Variants in ENTPD3 observed in about 807,000 individuals in gnomAD.
ENTPD3 encodes the protein ectonucleoside triphosphate diphosphohydrolase 3, also known as CD39 antigen-like 3.
Under a neutral mutation model 51.2 loss-of-function variants are expected in ENTPD3, and 60 were observed. The ratio of observed to expected loss-of-function variants is 1.17; its 90% CI spans 0.95 to 1.45. ENTPD3 has a LOEUF of 1.45. Among genes scored for constraint, ENTPD3 ranks in the 40% most tolerant of loss-of-function variants. The probability of loss-of-function intolerance (pLI) is 0.00; values close to 1 mark genes in which losing one functional copy is unlikely to be tolerated. For synonymous variants in ENTPD3, 221 were observed against 238.4 expected (o/e 0.93, Z 0.67); for missense variants, 593 against 641.1 (o/e 0.93, Z 0.81).
rs1393124413 is a variant in ENTPD3 at position 40,392,274 on chromosome 3, G to A, written c.168+124G>A. On this transcript the variant is annotated intron_variant, in intron 3 of 10. Transcript: ENST00000301825. Reference sequence around the variant, plus strand: ...TCCCCCCATCTCTGGCTGAAGCCAGGAGAAGTTAGTGTAAGACGCAAGGGA... The same window carrying A: ...TCCCCCCATCTCTGGCTGAAGCCAGAAGAAGTTAGTGTAAGACGCAAGGGA... 4.2e-6 allele frequency: 5 copies of A among 1,201,344 alleles called. No individual in the cohort carries two copies. The Admixed American group carries it at 7.0e-5, about 17-fold the overall frequency. 74.4% of individuals were successfully genotyped at this position (1,201,344 alleles called of 1,614,324 possible).
intron 3 of ENTPD3, among the ~76,000 whole-genome samples, chr3:40,397,320 T>C (rs1173025767): frequency 6.6e-6 from 1 of 151,812 alleles, no homozygotes; most frequent in East Asian, 1.9e-4. Flanking sequence ...GAAAACATCA[T>C]GGCTATGATT....
At chr3:40,406,072 G>A (rs984359630) in intron 4 of ENTPD3, among the ~76,000 whole-genome samples, 2 of 152,198 alleles carry the variant, frequency 1.3e-5, no homozygotes, top group African/African-American at 4.8e-5. Context: ...TATAACGAGT[G>A]TCAGGCAGAC....
At chr3:40,424,628 G>T in intron 10 of ENTPD3, 1 of 631,136 alleles carries the variant, frequency 1.6e-6, no homozygotes, top group South Asian at 1.6e-5. Flanking sequence ...GACCAGAATG[G>T]TCCAAAGCTG....
chr3:40,409,508 A>T (rs747704208), intron 4 of ENTPD3, among the ~76,000 whole-genome samples: 3 of 152,194 alleles, frequency 2.0e-5, no homozygotes, highest in Non-Finnish European at 4.4e-5. Flanking sequence ...AGCACTGTCG[A>T]TGAAATCCAC....
At chr3:40,421,761 G>T (rs1955877432) in intron 7 of ENTPD3, among the ~76,000 whole-genome samples, 3 of 152,086 alleles carry the variant, frequency 2.0e-5, no homozygotes, top group Admixed American at 2.0e-4. Context: ...AAAGCAACGG[G>T]TAGAATGGGG....
Position 40,395,763 on chromosome 3 carries a change from C to T in ENTPD3, c.168+3613C>T, listed in dbSNP as rs1014394982. ...GGCATATTTTGTGATCAGGTAGACT[C>T]GGGCCACTAGTTAAGCCTTCAGGCA... On this transcript the variant is annotated intron_variant, in intron 3 of 10. Coordinates refer to ENST00000301825, the MANE Select transcript of ENTPD3 (RefSeq NM_001248.4). 1.8e-4 allele frequency among the ~76,000 whole-genome samples: 27 copies of T among 152,294 alleles called. No homozygotes were observed. In the East Asian group the frequency reaches 1.9e-3, roughly 11 times the overall value.
chr3:40,409,337 C>T (rs1042835368), intron 4 of ENTPD3, among the ~76,000 whole-genome samples: 2 of 152,156 alleles, frequency 1.3e-5, no homozygotes, highest in Non-Finnish European at 2.9e-5. Flanking sequence ...CTTACAGCTA[C>T]TTCAGTTCTG....
At chr3:40,405,820 T>C (rs2125597521) in intron 4 of ENTPD3, among the ~76,000 whole-genome samples, 1 of 152,322 alleles carries the variant, frequency 6.6e-6, no homozygotes, top group East Asian at 1.9e-4. Context: ...ACCAGCTCCT[T>C]GCAGATTATA....
intron 1 of ENTPD3, 71 bp from the exon 2 acceptor site, chr3:40,387,975 T>C: frequency 7.6e-7 from 1 of 1,309,308 alleles, no homozygotes; most frequent in Non-Finnish European, 1.1e-6. Flanking sequence ...TGTCTTAACC[T>C]GGGCTCGTTC....
rs759746823 is a variant in ENTPD3, at chr3:40,414,663, G to T, written c.438-18G>T. On this transcript the variant is annotated intron_variant, in intron 5 of 10. Coordinates refer to ENST00000301825, the MANE Select transcript of ENTPD3 (RefSeq NM_001248.4). ...ATTGTCTGGGCACTCAGACTTGTTTGTTCTGTGCCTTGTACAGGTTGCAAA... is the reference window on the plus strand; with the variant it reads ...ATTGTCTGGGCACTCAGACTTGTTTTTTCTGTGCCTTGTACAGGTTGCAAA... 2 of 1,613,700 alleles carry T rather than the reference G, an allele frequency of 1.2e-6. No individual in the cohort carries two copies. The highest frequency in any genetic ancestry group is 1.1e-5 in the South Asian group (1 of 91,054).
chr3:40,424,616 G>C, intron 10 of ENTPD3: 1 of 553,540 alleles, frequency 1.8e-6, no homozygotes. Context: ...TGATGGTCAA[G>C]TGACCAGAAT....
In ENTPD3 at chr3:40,415,993, G is replaced by A. The variant is rs775323959; in HGVS notation, c.751G>A (p.Val251Ile). The A allele has an allele frequency of 1.2e-5, 20 of 1,613,650 alleles. No individual in the cohort carries two copies. Among genetic ancestry groups the A allele is most frequent in the South Asian group, 2.2e-5 (2 of 91,052 alleles). ...DIMQVSLYGY[V>I]YTLYTHSFQC... is the part of the protein sequence containing the mutation. Reference sequence around the variant, plus strand: ...CATGCAGGTGTCCCTGTATGGCTACGTATACACGCTCTACACACACAGCTT... The same window carrying A: ...CATGCAGGTGTCCCTGTATGGCTACATATACACGCTCTACACACACAGCTT... Residue 251 changes from valine to isoleucine, a missense_variant, in exon 7 of 11, where the codon GTA (valine) becomes ATA (isoleucine). Coordinates refer to ENST00000301825, the MANE Select transcript of ENTPD3 (RefSeq NM_001248.4).
chr3:40,421,181 G>A (rs1202627055), intron 7 of ENTPD3, among the ~76,000 whole-genome samples: 1 of 151,654 alleles, frequency 6.6e-6, no homozygotes, highest in Admixed American at 6.6e-5. Context: ...GTGCCACCAC[G>A]CCTGGCTAAT....
intron 4 of ENTPD3, 64 bp from the exon 5 acceptor site, chr3:40,411,747 TA>T (rs1427490120): frequency 6.8e-6 from 10 of 1,479,424 alleles, no homozygotes; most frequent in African/African-American, 1.4e-5. Flanking sequence ...GTTTTTTATT[TA>T]AAAGTTGTAT....
intron 4 of ENTPD3, among the ~76,000 whole-genome samples, chr3:40,403,793 C>T (rs1234340326): frequency 6.6e-6 from 1 of 151,924 alleles, no homozygotes; most frequent in African/African-American, 2.4e-5. Context: ...GCTGGGACTA[C>T]AGACATTGCC....
chr3:40,397,139 T>TTC (rs1553642641), intron 3 of ENTPD3, among the ~76,000 whole-genome samples: 1 of 145,806 alleles, frequency 6.9e-6, no homozygotes, highest in African/African-American at 2.7e-5. Flanking sequence ...TTTTTTTTTT[T>TTC]CAGAAAGCCT....
intron 3 of ENTPD3, among the ~76,000 whole-genome samples, chr3:40,393,038 C>T (rs1391797658): frequency 6.6e-6 from 1 of 151,902 alleles, no homozygotes; most frequent in East Asian, 1.9e-4. Context: ...TCCCAGAGGC[C>T]CCTCTTAGTT....
At chr3:40,402,707 T>C (rs1475990546) in intron 4 of ENTPD3, among the ~76,000 whole-genome samples, 1 of 152,216 alleles carries the variant, frequency 6.6e-6, no homozygotes, top group Non-Finnish European at 1.5e-5. Context: ...TGAAAAGAAG[T>C]TCTTGATTCT....
intron 8 of ENTPD3, 42 bp downstream of exon 8, chr3:40,423,164 T>C: frequency 6.3e-7 from 1 of 1,588,794 alleles, no homozygotes; most frequent in Non-Finnish European, 8.6e-7. Flanking sequence ...CCCCATTGAA[T>C]ATTCATTTCT....
Sources: allele counts gnomAD v4.1 joint callset (sites outside exome capture counted in the v4.1 genomes callset), GRCh38; gene constraint gnomAD v4.1.1; transcripts MANE v1.5; gene names NCBI Gene and HGNC (gene_info 2026-07-23, HGNC 2026-07-21).